The following EVA1A variants were observed in gnomAD, a reference collection of about 807,000 sequenced individuals.
EVA1A encodes the protein eva-1 homolog A, regulator of programmed cell death.
In EVA1A, 7 loss-of-function variants were observed where a neutral mutation model predicts 9.8. The observed-to-expected ratio is 0.71, with a 90% confidence interval of 0.41 to 1.34. The LOEUF is 1.34. Ranked by LOEUF, EVA1A falls within the 40% of genes most tolerant of loss-of-function variation. EVA1A has a pLI of 0.01. For missense variants in EVA1A, 206 were observed against 205.9 expected, an observed-to-expected ratio of 1.00 and a Z score of 0.00; for synonymous variants, 90 against 85.6, an observed-to-expected ratio of 1.05 and a Z score of -0.28.
At chr2:75,561,926 G>A (rs1420630299), upstream of EVA1A, among the ~76,000 whole-genome samples, 1 of 152,004 alleles carries the variant, frequency 6.6e-6, no homozygotes, top group Non-Finnish European at 1.5e-5. Context: ...AAGGAGAGAG[G>A]TGACTCCCAG....
intron 1 of EVA1A, among the ~76,000 whole-genome samples, chr2:75,536,230 G>A (rs973775180): frequency 6.6e-6 from 1 of 152,084 alleles, no homozygotes; most frequent in African/African-American, 2.4e-5. Context: ...AGCTACTCAG[G>A]AGGCTGAAGG....
At position 75,493,177 on chromosome 2, in the gene EVA1A, C is replaced by T. The variant is rs929895806; in HGVS notation, c.*59G>A. ...GGGTTCAGTTCCTTGTGCCCACTGT[C>T]CCTGCAGACGCTCTCCTTTCCAGGC... On this transcript the variant is annotated 3_prime_UTR_variant, in exon 4 of 4. Transcript: ENST00000393913. 6.5e-7 allele frequency: 1 copy of T among 1,546,736 alleles called. No individual in the cohort carries two copies. Among genetic ancestry groups the T allele is most frequent in the Non-Finnish European group, 8.7e-7 (1 of 1,147,982 alleles).
At chr2:75,536,612 C>T (rs1424810318) in intron 1 of EVA1A, among the ~76,000 whole-genome samples, 4 of 151,980 alleles carry the variant, frequency 2.6e-5, no homozygotes, top group Admixed American at 6.6e-5. Flanking sequence ...AGAAACAAAA[C>T]AGTAGATATC....
At chr2:75,565,246 A>G (rs1033571163), upstream of EVA1A, among the ~76,000 whole-genome samples, 6 of 152,214 alleles carry the variant, frequency 3.9e-5, no homozygotes, top group Non-Finnish European at 5.9e-5. Flanking sequence ...GCTCCAGATC[A>G]GACCAATTGA....
chr2:75,547,353 C>A (rs1233459147), intron 1 of EVA1A, among the ~76,000 whole-genome samples: 1 of 152,134 alleles, frequency 6.6e-6, no homozygotes, highest in Non-Finnish European at 1.5e-5. Flanking sequence ...ATCTTAGCTC[C>A]ATTTACCAGC....
intron 1 of EVA1A, among the ~76,000 whole-genome samples, chr2:75,539,847 G>A (rs997791078): frequency 6.6e-6 from 1 of 152,184 alleles, no homozygotes; most frequent in Non-Finnish European, 1.5e-5. Flanking sequence ...TCAGATATTA[G>A]CAATAGTAGG....
At chr2:75,540,745 A>G (rs1397172350) in intron 1 of EVA1A, 4 of 152,204 alleles carry the variant, frequency 2.6e-5, no homozygotes, top group African/African-American at 7.2e-5. Context: ...GCAGTCCCCA[A>G]ACTACAAACA....
chr2:75,558,780 A>G (rs1470655686), intron 1 of EVA1A: 1 of 152,256 alleles, frequency 6.6e-6, no homozygotes, highest in East Asian at 1.9e-4. Flanking sequence ...AGTTGTGAAG[A>G]GCCATGTGTA....
At chr2:75,535,018 T>C (rs1675824974) in intron 1 of EVA1A, among the ~76,000 whole-genome samples, 1 of 152,184 alleles carries the variant, frequency 6.6e-6, no homozygotes, top group Non-Finnish European at 1.5e-5. Context: ...CTTTCCCTAG[T>C]TTATGTTTTT....
At chr2:75,539,742 A>AT (rs1250054998) in intron 1 of EVA1A, among the ~76,000 whole-genome samples, 1 of 152,244 alleles carries the variant, frequency 6.6e-6, no homozygotes, top group Non-Finnish European at 1.5e-5. Context: ...AAATTAAAAA[A>AT]TTTTTAAAAA....
rs918843797 is a variant in EVA1A, at chr2:75,492,974, C to T, written c.*262G>A. On this transcript the variant is annotated 3_prime_UTR_variant, in exon 4 of 4. Coordinates refer to ENST00000393913, the MANE Select transcript of EVA1A (RefSeq NM_001135032.2). ...AAGAGAAACCACAGTCGCGTTTCTC[C>T]GATCTCCATCCACAGTGTTGGAGAG... 12 of 460,864 alleles carry T rather than the reference C, an allele frequency of 2.6e-5. No individual in the cohort carries two copies. The highest frequency in any genetic ancestry group is 1.1e-4 in the East Asian group (3 of 28,224). The allele number at this position is 460,864 out of a possible 1,614,324, so 28.5% of individuals were successfully genotyped here.
intron 1 of EVA1A, among the ~76,000 whole-genome samples, chr2:75,549,974 G>A (rs563140138): frequency 6.6e-6 from 1 of 152,318 alleles, no homozygotes; most frequent in South Asian, 2.1e-4. Context: ...AGGCAAAGCT[G>A]AATTTCTTGT....
intron 3 of EVA1A, among the ~76,000 whole-genome samples, chr2:75,508,599 G>C (rs1674701608): frequency 6.6e-6 from 1 of 152,004 alleles, no homozygotes; most frequent in South Asian, 2.1e-4. Flanking sequence ...CCAGTCCTGT[G>C]GTCCTGTGAT....
At chr2:75,530,527 A>C (rs1180586689) in intron 1 of EVA1A, among the ~76,000 whole-genome samples, 1 of 152,156 alleles carries the variant, frequency 6.6e-6, no homozygotes, top group Admixed American at 6.5e-5. Flanking sequence ...ACTGAATCCA[A>C]CAGTATATCA....
intron 3 of EVA1A, among the ~76,000 whole-genome samples, chr2:75,517,101 A>G (rs1345241487): frequency 6.6e-6 from 1 of 152,022 alleles, no homozygotes; most frequent in Non-Finnish European, 1.5e-5. Flanking sequence ...GTTGCGCGTC[A>G]TCCAAGATCC....
At chr2:75,541,125 C>A (rs1676102280) in intron 1 of EVA1A, among the ~76,000 whole-genome samples, 1 of 152,188 alleles carries the variant, frequency 6.6e-6, no homozygotes, top group African/African-American at 2.4e-5. Context: ...GAGGACAACA[C>A]AGGCATGGGG....
chr2:75,493,620 A>T lies in EVA1A; in HGVS notation c.86-11T>A, dbSNP rs748127974. The stretch of plus-strand genomic sequence containing the variant: ...CTCGCTCAGGATTTTCTGGAGGAAG[A>T]AGAGGAAGAAGCAAGCATTTGAGAG... On this transcript the variant is annotated splice_polypyrimidine_tract_variant and intron_variant, in intron 3 of 3. Coordinates refer to ENST00000393913, the MANE Select transcript of EVA1A (RefSeq NM_001135032.2). The T allele has an allele frequency of 2.6e-6, 4 of 1,568,490 alleles. No individual in the cohort carries two copies. Among genetic ancestry groups the T allele is most frequent in the Non-Finnish European group, 3.5e-6 (4 of 1,155,868 alleles).
At chr2:75,503,409 G>T (rs1674500044) in intron 3 of EVA1A, among the ~76,000 whole-genome samples, 1 of 152,162 alleles carries the variant, frequency 6.6e-6, no homozygotes, top group South Asian at 2.1e-4. Flanking sequence ...TAAATGTATT[G>T]CTGTATCTTG....
intron 1 of EVA1A, among the ~76,000 whole-genome samples, chr2:75,537,343 C>G (rs1675947119): frequency 6.6e-6 from 1 of 152,094 alleles, no homozygotes; most frequent in South Asian, 2.1e-4. Context: ...TGCAAAAGAC[C>G]TATAGCTAAC....
Sources: allele counts gnomAD v4.1 joint callset (sites outside exome capture counted in the v4.1 genomes callset), GRCh38; gene constraint gnomAD v4.1.1; transcripts MANE v1.5; gene names NCBI Gene and HGNC (gene_info 2026-07-23, HGNC 2026-07-21).